The following FARP1 variants were observed in gnomAD, a reference collection of about 807,000 sequenced individuals.
The protein encoded by FARP1 is FERM, ARH/RhoGEF and pleckstrin domain protein 1.
In FARP1, 52 loss-of-function variants were observed where a neutral mutation model predicts 128.8. The observed-to-expected ratio is 0.40, with a 90% confidence interval of 0.32 to 0.51. The LOEUF is 0.51. FARP1 is among the 20% of genes least tolerant of loss of function. The probability of loss-of-function intolerance (pLI) is 0.45; values close to 1 mark genes in which losing one functional copy is unlikely to be tolerated. For synonymous variants in FARP1, 580 were observed against 551.8 expected, an observed-to-expected ratio of 1.05 and a Z score of -0.72; for missense variants, 1,333 against 1,367.9, an observed-to-expected ratio of 0.97 and a Z score of 0.40.
chr13:98,307,674 C>G (rs1202772962), intron 2 of FARP1, among the ~76,000 whole-genome samples: 1 of 152,160 alleles, frequency 6.6e-6, no homozygotes, highest in Non-Finnish European at 1.5e-5. Context: ...TAAATATTTT[C>G]ACATCTGTTT....
chr13:98,179,485 T>C (rs1878349783), intron 1 of FARP1, among the ~76,000 whole-genome samples: 1 of 152,150 alleles, frequency 6.6e-6, no homozygotes, highest in South Asian at 2.1e-4. Flanking sequence ...CACATTCCGC[T>C]GTGGGGTGTG....
At chr13:98,206,645 C>T (rs1408622283) in intron 1 of FARP1, among the ~76,000 whole-genome samples, 1 of 152,150 alleles carries the variant, frequency 6.6e-6, no homozygotes, top group Admixed American at 6.5e-5. Context: ...CTGCTTATTG[C>T]TTTTGGATGA....
chr13:98,248,155 A>G (rs138484690), intron 2 of FARP1, among the ~76,000 whole-genome samples: 33 of 152,330 alleles, frequency 2.2e-4, no homozygotes, highest in Non-Finnish European at 1.8e-4. Flanking sequence ...AATGAGAGAA[A>G]TGGGCCAATG....
At chr13:98,419,316 A>G (rs1440032836) in intron 16 of FARP1, among the ~76,000 whole-genome samples, 1 of 152,122 alleles carries the variant, frequency 6.6e-6, no homozygotes, top group East Asian at 1.9e-4. Flanking sequence ...TCTACTAAAA[A>G]TAGAAAAATT....
chr13:98,414,666 C>T (rs559598219), intron 16 of FARP1, among the ~76,000 whole-genome samples: 1 of 152,228 alleles, frequency 6.6e-6, no homozygotes, highest in South Asian at 2.1e-4. Flanking sequence ...CCAGGTGATT[C>T]CAAAGTGTAG....
At chr13:98,365,354 T>G in intron 3 of FARP1, 41 bp from the exon 4 acceptor site, 2 of 1,507,490 alleles carry the variant, frequency 1.3e-6, no homozygotes, top group East Asian at 4.5e-5. Flanking sequence ...CACTCTTTCA[T>G]TGAGAACTTA....
chr13:98,385,138 G>A (rs375408690), intron 7 of FARP1, among the ~76,000 whole-genome samples: 4 of 152,226 alleles, frequency 2.6e-5, no homozygotes, highest in East Asian at 1.9e-4. Flanking sequence ...GGAAAGGGAC[G>A]TGGTCACCTA....
intron 3 of FARP1, among the ~76,000 whole-genome samples, chr13:98,353,260 C>T (rs1215664709): frequency 2.0e-5 from 3 of 152,086 alleles, no homozygotes; most frequent in Non-Finnish European, 2.9e-5. Context: ...CTGTAGAGGG[C>T]GGGAGTTCAG....
chr13:98,227,925 G>A (rs1881890240), intron 2 of FARP1, among the ~76,000 whole-genome samples: 2 of 152,230 alleles, frequency 1.3e-5, no homozygotes. Flanking sequence ...AATAGAAACA[G>A]TAGAATGGTG....
intron 2 of FARP1, among the ~76,000 whole-genome samples, chr13:98,238,522 A>T (rs1160592615): frequency 6.6e-6 from 1 of 152,190 alleles, no homozygotes; most frequent in African/African-American, 2.4e-5. Context: ...GCAGTTCCAC[A>T]TGGGTGGGGA....
At chr13:98,316,988 C>T (rs1391319439) in intron 2 of FARP1, among the ~76,000 whole-genome samples, 1 of 152,196 alleles carries the variant, frequency 6.6e-6, no homozygotes, top group Non-Finnish European at 1.5e-5. Context: ...AAATCACCCC[C>T]AGAATTACAG....
At chr13:98,439,366 C>T (rs1892428047) in intron 21 of FARP1, among the ~76,000 whole-genome samples, 170 bp downstream of exon 21, 2 of 152,186 alleles carry the variant, frequency 1.3e-5, no homozygotes, top group African/African-American at 4.8e-5. Flanking sequence ...CCATACAACC[C>T]TTTCACCTAA....
chr13:98,235,245 C>A (rs1459371680), intron 2 of FARP1, among the ~76,000 whole-genome samples: 25 of 152,072 alleles, frequency 1.6e-4, no homozygotes, highest in Non-Finnish European at 3.2e-4. Flanking sequence ...CCAGGCAATA[C>A]CCCCAGAGCC....
rs1889880504 is a variant in FARP1 at position 98,381,336 on chromosome 13, AC to A, written c.497-3390del. Among the ~76,000 whole-genome samples, 4 of 151,962 alleles carry A rather than the reference AC, an allele frequency of 2.6e-5. No individual in the cohort carries two copies. In the South Asian group the frequency reaches 8.3e-4, roughly 32 times the overall value. Reference sequence around the variant, plus strand: ...ATCTCCCTTTGGCAGAAACTATATTACCCCTAATGGAAAATTATCTCTGGTA... The same window carrying A: ...ATCTCCCTTTGGCAGAAACTATATTACCCTAATGGAAAATTATCTCTGGTA... On this transcript the variant is annotated intron_variant, in intron 6 of 26. Transcript: ENST00000319562.
intron 5 of FARP1, among the ~76,000 whole-genome samples, chr13:98,372,081 CTT>C (rs56838920): frequency 0.17 from 15,894 of 91,848 alleles, 862 homozygotes; most frequent in East Asian, 0.31. Flanking sequence ...CCCAGTTTTT[CTT>C]TTTTTTTTTT....
intron 17 of FARP1, among the ~76,000 whole-genome samples, chr13:98,428,189 G>A (rs1481443870): frequency 6.6e-6 from 1 of 151,952 alleles, no homozygotes; most frequent in African/African-American, 2.4e-5. Flanking sequence ...CACCTCCACA[G>A]AGTCAGAGAC....
At chr13:98,431,308 G>A (rs1594528803) in intron 18 of FARP1, 28 bp downstream of exon 18, 1 of 1,505,884 alleles carries the variant, frequency 6.6e-7, no homozygotes. Context: ...GCGCCACCTG[G>A]TGCCCATGCC....
chr13:98,240,352 T>TGGTGAC (rs1483828602), intron 2 of FARP1, among the ~76,000 whole-genome samples: 104 of 152,142 alleles, frequency 6.8e-4, no homozygotes, highest in African/African-American at 2.5e-3. Flanking sequence ...TGCGTGGTGA[T>TGGTGAC]GGTGACGGTT....
chr13:98,403,107 T>C (rs1890838333), intron 13 of FARP1: 2 of 148,768 alleles, frequency 1.3e-5, no homozygotes, highest in Non-Finnish European at 3.0e-5. Context: ...TTTTTAACAC[T>C]GCTGAATACC....
Sources: allele counts gnomAD v4.1 joint callset (sites outside exome capture counted in the v4.1 genomes callset), GRCh38; gene constraint gnomAD v4.1.1; transcripts MANE v1.5; gene names NCBI Gene and HGNC (gene_info 2026-07-23, HGNC 2026-07-21).